MCTP2: variants seen among roughly 807,000 people sequenced by gnomAD.
MCTP2 encodes the protein multiple C2 and transmembrane domain-containing protein 2.
A neutral mutation model predicts 111.6 loss-of-function variants in MCTP2; 132 were observed. That is an observed-to-expected ratio of 1.18 (90% confidence interval 1.03 to 1.37). The LOEUF (loss-of-function observed/expected upper bound fraction) is 1.37. Ranked by LOEUF, MCTP2 falls within the 40% of genes most tolerant of loss-of-function variation. The pLI, the probability that MCTP2 is intolerant of heterozygous loss-of-function variation, is 0.00. For synonymous variants in MCTP2, 395 were observed against 387.7 expected (o/e 1.02, Z -0.22); for missense variants, 1,183 against 1,067.9 (o/e 1.11, Z -1.50).
intron 1 of MCTP2, among the ~76,000 whole-genome samples, chr15:94,281,193 G>A (rs1469256383): frequency 4.6e-5 from 7 of 152,008 alleles, no homozygotes; most frequent in Non-Finnish European, 8.8e-5. Context: ...AGTATTGTGT[G>A]GATATCTAAT....
chr15:94,474,775 T>C (rs1268356693), intron 21 of MCTP2, among the ~76,000 whole-genome samples: 1 of 152,184 alleles, frequency 6.6e-6, no homozygotes. Context: ...GCAAAATTAT[T>C]GAAACTTTTG....
At chr15:94,428,479 T>C (rs1444610074) in intron 17 of MCTP2, among the ~76,000 whole-genome samples, 3 of 152,164 alleles carry the variant, frequency 2.0e-5, no homozygotes, top group Non-Finnish European at 4.4e-5. Flanking sequence ...ATATAGATTA[T>C]TCTTAATTTA....
At chr15:94,345,705 C>T (rs949167333) in intron 8 of MCTP2, among the ~76,000 whole-genome samples, 1 of 151,972 alleles carries the variant, frequency 6.6e-6, no homozygotes. Context: ...ATAAAAGGCG[C>T]AAGAATGCAT....
intron 1 of MCTP2, among the ~76,000 whole-genome samples, chr15:94,289,845 G>C (rs2074952865): frequency 6.6e-6 from 1 of 152,202 alleles, no homozygotes; most frequent in African/African-American, 2.4e-5. Flanking sequence ...AGGACTTGTA[G>C]ATGGGATCTA....
chr15:94,418,928 C>G (rs572762987), intron 17 of MCTP2, among the ~76,000 whole-genome samples: 4 of 152,126 alleles, frequency 2.6e-5, no homozygotes, highest in African/African-American at 9.6e-5. Context: ...GCAACGGAGT[C>G]TAAAAGCCTC....
At chr15:94,342,773 T>C (rs2077725890) in intron 7 of MCTP2, 1 of 151,038 alleles carries the variant, frequency 6.6e-6, no homozygotes. Context: ...TCCATATATA[T>C]ACACACACAT....
intron 1 of MCTP2, among the ~76,000 whole-genome samples, chr15:94,272,874 A>T (rs75782981): frequency 1.3e-3 from 205 of 152,324 alleles, no homozygotes; most frequent in African/African-American, 4.9e-3. Flanking sequence ...GTCATCCATT[A>T]CCATGCCTCC....
rs535214261 is a variant in MCTP2 at position 94,325,444 on chromosome 15, T to C, written c.637+9807T>C. On this transcript the variant is annotated intron_variant, in intron 4 of 22. Coordinates refer to ENST00000357742, the MANE Select transcript of MCTP2 (RefSeq NM_001385001.1). ...GACTTTGTGATTTCCCCATCCTTTTTATCGTGGGCTTATCTTCCCAGTTTC... is the reference window on the plus strand; with the variant it reads ...GACTTTGTGATTTCCCCATCCTTTTCATCGTGGGCTTATCTTCCCAGTTTC... Among the ~76,000 whole-genome samples, 9 of 152,326 alleles carry C rather than the reference T, an allele frequency of 5.9e-5. No homozygotes were observed. In the East Asian group the frequency reaches 1.7e-3, roughly 29 times the overall value.
intron 17 of MCTP2, among the ~76,000 whole-genome samples, chr15:94,424,150 A>G (rs2082761298): frequency 6.6e-6 from 1 of 152,158 alleles, no homozygotes; most frequent in African/African-American, 2.4e-5. Context: ...TTTATATCTT[A>G]TTCTGTGACT....
At chr15:94,454,961 C>T (rs1344581128) in intron 19 of MCTP2, among the ~76,000 whole-genome samples, 1 of 152,118 alleles carries the variant, frequency 6.6e-6, no homozygotes, top group Non-Finnish European at 1.5e-5. Context: ...GCTGGGATTA[C>T]AGGCATGTGC....
At chr15:94,249,075 C>T (rs1453709073) in intron 1 of MCTP2, among the ~76,000 whole-genome samples, 1 of 152,150 alleles carries the variant, frequency 6.6e-6, no homozygotes. Flanking sequence ...AGCTTCTGTT[C>T]TGTGCAGAGA....
chr15:94,342,673 C>T (rs1452854495), intron 7 of MCTP2: 1 of 151,250 alleles, frequency 6.6e-6, no homozygotes, highest in African/African-American at 2.4e-5. Context: ...TCCATATATA[C>T]ACATATATTT....
intron 14 of MCTP2, 124 bp downstream of exon 14, chr15:94,385,649 C>T (rs1025756950): frequency 1.2e-4 from 78 of 674,710 alleles, no homozygotes; most frequent in East Asian, 2.6e-4. Flanking sequence ...TAGCAGGAAA[C>T]GACTGTTTTA....
At chr15:94,289,573 A>G (rs1037097313) in intron 1 of MCTP2, among the ~76,000 whole-genome samples, 2 of 152,260 alleles carry the variant, frequency 1.3e-5, no homozygotes, top group Non-Finnish European at 2.9e-5. Context: ...TTAATTGAAT[A>G]GACTATCTTA....
At position 94,434,612 on chromosome 15, in the gene MCTP2, T is replaced by TA. The variant is rs1042570304; in HGVS notation, c.2086-5556dup. On this transcript the variant is annotated intron_variant, in intron 17 of 22. Transcript: ENST00000357742. ...ATCCAGTTGTTCTAGTGCCAGTGTT[T>TA]AAAAAAAATACCATTTTTTCGATTG... is the stretch of plus-strand genomic sequence containing the variant. Among the ~76,000 whole-genome samples, 9 of 151,782 alleles carry TA rather than the reference T, an allele frequency of 5.9e-5. No homozygotes were observed. In the South Asian group the frequency reaches 1.2e-3, roughly 21 times the overall value.
chr15:94,431,757 A>C (rs2083195651), intron 17 of MCTP2, among the ~76,000 whole-genome samples: 1 of 152,186 alleles, frequency 6.6e-6, no homozygotes, highest in Non-Finnish European at 1.5e-5. Flanking sequence ...TGTTTATTCT[A>C]AAATAATCAT....
At chr15:94,343,701 A>G (rs1246188650) in intron 7 of MCTP2, 1 of 152,218 alleles carries the variant, frequency 6.6e-6, no homozygotes, top group Non-Finnish European at 1.5e-5. Context: ...TCCTAGATCC[A>G]CCAGTGGTCT....
At chr15:94,236,485 G>A (rs1336344467) in intron 1 of MCTP2, among the ~76,000 whole-genome samples, 1 of 146,906 alleles carries the variant, frequency 6.8e-6, no homozygotes, top group African/African-American at 2.5e-5. Flanking sequence ...AGTGCGTAGA[G>A]TGATGGTTTG....
intron 14 of MCTP2, among the ~76,000 whole-genome samples, chr15:94,395,318 C>T (rs1157194774): frequency 1.3e-5 from 2 of 152,156 alleles, no homozygotes; most frequent in Non-Finnish European, 2.9e-5. Context: ...TACGCAACAT[C>T]CTCAGTTTCT....
Sources: allele counts gnomAD v4.1 joint callset (sites outside exome capture counted in the v4.1 genomes callset), GRCh38; gene constraint gnomAD v4.1.1; transcripts MANE v1.5; gene names NCBI Gene and HGNC (gene_info 2026-07-23, HGNC 2026-07-21).